Variants in BLNK observed in about 807,000 individuals in gnomAD.
BLNK encodes B-cell linker protein.
Under a neutral mutation model 73.5 loss-of-function variants are expected in BLNK, and 29 were observed. The observed-to-expected ratio is 0.39, with a 90% CI of 0.29 to 0.54. The LOEUF (loss-of-function observed/expected upper bound fraction) is 0.54. BLNK is among the 20% of genes least tolerant of loss of function. The pLI, the probability that BLNK is intolerant of heterozygous loss-of-function variation, is 0.61. For synonymous variants in BLNK, 176 were observed against 200.8 expected (o/e 0.88, Z 1.04); for missense variants, 460 against 562.8 (o/e 0.82, Z 1.85).
At chr10:96,231,659 C>T (rs587631347) in intron 3 of BLNK, among the ~76,000 whole-genome samples, 18 of 145,806 alleles carry the variant, frequency 1.2e-4, no homozygotes, top group South Asian at 6.4e-4. Context: ...CCCAGGGGGT[C>T]GAGGCTGCAG....
chr10:96,199,734 C>T (rs1300152459), intron 15 of BLNK, among the ~76,000 whole-genome samples: 1 of 152,132 alleles, frequency 6.6e-6, no homozygotes, highest in Non-Finnish European at 1.5e-5. Flanking sequence ...AATGATCAGA[C>T]CTTGGCCGGG....
intron 3 of BLNK, among the ~76,000 whole-genome samples, chr10:96,238,731 G>A (rs1842784975): frequency 6.6e-6 from 1 of 152,182 alleles, no homozygotes. Context: ...GGGATTGAGT[G>A]TAAGAGCAGG....
rs2083295837 is a variant in BLNK at position 96,189,469 on chromosome 10, C to T, written c.*2504G>A. ...TTGGCTTCCACTTTGGGAAGAGAACCACCTTTTTCTATACTTGCTTGCATT... is the reference window on the plus strand; with the variant it reads ...TTGGCTTCCACTTTGGGAAGAGAACTACCTTTTTCTATACTTGCTTGCATT... On this transcript the variant is annotated 3_prime_UTR_variant, in exon 17 of 17. Transcript: ENST00000224337. 1.6e-6 allele frequency: 1 copy of T among 627,956 alleles called. No homozygotes were observed. The highest frequency in any genetic ancestry group is 3.0e-6 in the Non-Finnish European group (1 of 334,416). 38.9% of individuals were successfully genotyped at this position (627,956 alleles called of 1,614,324 possible).
At chr10:96,193,249 A>G (rs1344081656) in intron 16 of BLNK, among the ~76,000 whole-genome samples, 1 of 152,218 alleles carries the variant, frequency 6.6e-6, no homozygotes, top group South Asian at 2.1e-4. Context: ...TTAAACATTC[A>G]TTCTGCTTGT....
At chr10:96,204,380 G>T in intron 12 of BLNK, 152 bp downstream of exon 12, 1 of 922,332 alleles carries the variant, frequency 1.1e-6, no homozygotes, top group Non-Finnish European at 1.7e-6. Flanking sequence ...TTTTAAAGTT[G>T]CTCAACACCT....
intron 3 of BLNK, among the ~76,000 whole-genome samples, chr10:96,238,118 G>C (rs1554905448): frequency 6.6e-6 from 1 of 152,220 alleles, no homozygotes; most frequent in Non-Finnish European, 1.5e-5. Context: ...GGATTGCTGG[G>C]TCTGAACTGA....
intron 15 of BLNK, among the ~76,000 whole-genome samples, chr10:96,198,811 G>A (rs2083545511): frequency 6.6e-6 from 1 of 152,182 alleles, no homozygotes; most frequent in Non-Finnish European, 1.5e-5. Flanking sequence ...CGATTCTCCT[G>A]CTTCAGCCTC....
intron 1 of BLNK, among the ~76,000 whole-genome samples, chr10:96,247,734 A>G (rs1197049313): frequency 1.3e-5 from 2 of 152,308 alleles, no homozygotes; most frequent in East Asian, 1.9e-4. Flanking sequence ...CCTGTAACCA[A>G]TCAGACTGGT....
chr10:96,202,328 G>A (rs1247752850), intron 13 of BLNK, among the ~76,000 whole-genome samples: 2 of 152,166 alleles, frequency 1.3e-5, no homozygotes, highest in African/African-American at 4.8e-5. Flanking sequence ...GAGTGGGGGA[G>A]GCCAGTTCGG....
At chr10:96,213,319 T>C (rs1264095149) in intron 8 of BLNK, among the ~76,000 whole-genome samples, 1 of 152,194 alleles carries the variant, frequency 6.6e-6, no homozygotes, top group African/African-American at 2.4e-5. Flanking sequence ...GCAATGACAT[T>C]GAAGGCAAGG....
At chr10:96,238,850 C>T (rs1842788950) in intron 3 of BLNK, 1 of 318,904 alleles carries the variant, frequency 3.1e-6, no homozygotes. Context: ...ATAAAATCTA[C>T]GTGTCTTTCA....
At chr10:96,249,598 T>C (rs1206629798) in intron 1 of BLNK, among the ~76,000 whole-genome samples, 2 of 152,188 alleles carry the variant, frequency 1.3e-5, no homozygotes, top group South Asian at 2.1e-4. Flanking sequence ...GCTGCAGATT[T>C]TGGGGAGATC....
chr10:96,234,151 G>A (rs1403790390), intron 3 of BLNK, among the ~76,000 whole-genome samples: 2 of 152,222 alleles, frequency 1.3e-5, no homozygotes, highest in Non-Finnish European at 2.9e-5. Flanking sequence ...TCTCATCTGA[G>A]CCACTTAGCC....
intron 2 of BLNK, among the ~76,000 whole-genome samples, chr10:96,246,608 T>G (rs552508750): frequency 6.6e-6 from 1 of 152,324 alleles, no homozygotes; most frequent in South Asian, 2.1e-4. Flanking sequence ...AAAACTCACA[T>G]GGCATCTTGA....
intron 5 of BLNK, 101 bp from the exon 6 acceptor site, chr10:96,224,090 A>G: frequency 2.2e-6 from 3 of 1,365,422 alleles, no homozygotes; most frequent in Non-Finnish European, 3.1e-6. Flanking sequence ...ACGGGTGTCT[A>G]TGTAGCCACA....
At chr10:96,265,119 C>CTTAT (rs55872216) in intron 1 of BLNK, among the ~76,000 whole-genome samples, 85,468 of 136,712 alleles carry the variant, frequency 0.63, 27,956 homozygotes, top group Non-Finnish European at 0.72. Context: ...CCACACCAGA[C>CTTAT]TTATTTATTT....
chr10:96,238,258 C>T (rs1554905470), intron 3 of BLNK, among the ~76,000 whole-genome samples: 1 of 152,208 alleles, frequency 6.6e-6, no homozygotes, highest in East Asian at 1.9e-4. Flanking sequence ...CTTTTACTGA[C>T]CTCCTGTGGG....
chr10:96,189,334 T>C lies in BLNK; in HGVS notation c.*2639A>G. 3.7e-6 allele frequency: 2 copies of C among 538,066 alleles called. No homozygotes were observed. Among genetic ancestry groups the C allele is most frequent in the South Asian group, 3.0e-5 (2 of 66,770 alleles). 33.3% of individuals were successfully genotyped at this position (538,066 alleles called of 1,614,324 possible). On this transcript the variant is annotated 3_prime_UTR_variant, in exon 17 of 17. Transcript: ENST00000224337. ...AGAGAAATGAAATAAGATGGAAAAA[T>C]GTTAACAAATTGTTTAAACTATTTT...
At chr10:96,215,275 A>C in intron 8 of BLNK, 46 bp downstream of exon 8, 1 of 1,553,762 alleles carries the variant, frequency 6.4e-7, no homozygotes, top group East Asian at 2.2e-5. Flanking sequence ...TGTTTTTCTT[A>C]TTTGAAATAG....
Sources: gnomAD v4.1 joint callset for allele counts (sites outside exome capture counted in the v4.1 genomes callset) on GRCh38, gnomAD v4.1.1 for gene constraint, MANE v1.5 for transcripts, NCBI Gene and HGNC (gene_info 2026-07-23, HGNC 2026-07-21) for gene names.